Variants in GABRB2 observed in about 807,000 individuals in gnomAD.
GABRB2 encodes gamma-aminobutyric acid receptor subunit beta-2.
In GABRB2, 16 loss-of-function variants were observed where a neutral mutation model predicts 54.7. The observed-to-expected ratio is 0.29, with a 90% CI of 0.20 to 0.44. GABRB2 has a LOEUF of 0.44. Ranked by LOEUF, GABRB2 falls within the 20% of genes least tolerant of loss-of-function variation. The pLI, the probability that GABRB2 is intolerant of heterozygous loss-of-function variation, is 1.00. For synonymous variants in GABRB2, 244 were observed against 233.8 expected (o/e 1.04, Z -0.40); for missense variants, 355 against 644.0 (o/e 0.55, Z 4.86).
intron 7 of GABRB2, among the ~76,000 whole-genome samples, chr5:161,332,165 C>CAA (rs5872708): frequency 0.19 from 13,411 of 69,074 alleles, 1,415 homozygotes; most frequent in African/African-American, 0.22. Flanking sequence ...GACTCCGTCT[C>CAA]AAAAAAAAAA....
chr5:161,393,390 G>A (rs1295568807), intron 5 of GABRB2, among the ~76,000 whole-genome samples: 3 of 138,818 alleles, frequency 2.2e-5, no homozygotes, highest in East Asian at 4.3e-4. Flanking sequence ...AAAAGGCCAC[G>A]GGCTGGATTT....
At chr5:161,377,703 A>T (rs1361038995) in intron 5 of GABRB2, among the ~76,000 whole-genome samples, 1 of 152,082 alleles carries the variant, frequency 6.6e-6, no homozygotes, top group Non-Finnish European at 1.5e-5. Flanking sequence ...ATATTATTAA[A>T]TTACTTGTTT....
chr5:161,539,080 C>G (rs1198214324), intron 3 of GABRB2, among the ~76,000 whole-genome samples: 4 of 152,158 alleles, frequency 2.6e-5, no homozygotes, highest in Admixed American at 2.0e-4. Context: ...GAACTCTTTC[C>G]TCAAAAGTGA....
chr5:161,519,396 C>A (rs1255360474), intron 3 of GABRB2, among the ~76,000 whole-genome samples: 3 of 152,130 alleles, frequency 2.0e-5, no homozygotes, highest in Non-Finnish European at 4.4e-5. Flanking sequence ...CAGATACACA[C>A]CCATGACTTT....
chr5:161,328,734 C>G (rs565191480), intron 8 of GABRB2, among the ~76,000 whole-genome samples: 1 of 152,088 alleles, frequency 6.6e-6, no homozygotes, highest in Admixed American at 6.6e-5. Flanking sequence ...CAAGAAGTTA[C>G]AGGGAAGCTA....
Position 161,291,359 on chromosome 5 carries a change from A to G in GABRB2, c.*2722T>C, listed in dbSNP as rs1051331422. The G allele has an allele frequency of 6.6e-6, 1 of 152,168 alleles. No individual in the cohort carries two copies. The highest frequency in any genetic ancestry group is 6.5e-5 in the Admixed American group (1 of 15,270). 9.4% of individuals were successfully genotyped at this position (152,168 alleles called of 1,614,324 possible). A position where few individuals can be genotyped will look rare whatever the true frequency, so the allele number is the denominator to read the frequency against. On this transcript the variant is annotated 3_prime_UTR_variant, in exon 10 of 10. Coordinates refer to ENST00000393959, the MANE Select transcript of GABRB2 (RefSeq NM_001371727.1). ...TCCTTTAGTTTAACAACTGGCTATC[A>G]AGCTGACTGGTCTTCCTAGACTTAT...
intron 3 of GABRB2, among the ~76,000 whole-genome samples, chr5:161,494,589 A>G (rs1185483866): frequency 6.6e-6 from 1 of 150,882 alleles, no homozygotes; most frequent in Admixed American, 6.6e-5. Flanking sequence ...AATTACTGAC[A>G]ACTGAAAACA....
At chr5:161,490,819 C>T (rs946340741) in intron 3 of GABRB2, among the ~76,000 whole-genome samples, 1 of 151,740 alleles carries the variant, frequency 6.6e-6, no homozygotes, top group African/African-American at 2.4e-5. Context: ...GCTTCAAGAG[C>T]AAGATATCCT....
chr5:161,334,888 T>C lies in GABRB2; in HGVS notation c.696A>G (p.Leu232=). Residue 232 remains leucine, a synonymous_variant, in exon 7 of 10, where the codon TTA becomes TTG. Transcript: ENST00000393959. ...VVFSTGSYPR[L]SLSFKLKRNI... is the part of the protein sequence containing the mutation. ...TTCTCTTAAGCTTAAAGCTGAGGGA[T>C]AACCTGGGATAGGAACCTAGAAAGG... The C allele has an allele frequency of 6.2e-7, 1 of 1,613,922 alleles. No homozygotes were observed. The highest frequency in any genetic ancestry group is 8.5e-7 in the Non-Finnish European group (1 of 1,179,850).
chr5:161,293,826 G>A lies in GABRB2; in HGVS notation c.*255C>T, dbSNP rs1475641152. The stretch of plus-strand genomic sequence containing the variant: ...AGGCTGCATACTAAACAGACAACAT[G>A]GAGCACTCAGGCTGTCTAGCCACCA... On this transcript the variant is annotated 3_prime_UTR_variant, in exon 10 of 10. Coordinates refer to ENST00000393959, the MANE Select transcript of GABRB2 (RefSeq NM_001371727.1). 8.5e-6 allele frequency: 4 copies of A among 472,788 alleles called. No individual in the cohort carries two copies. Among genetic ancestry groups the A allele is most frequent in the African/African-American group, 3.9e-5 (2 of 51,468 alleles). 29.3% of individuals were successfully genotyped at this position (472,788 alleles called of 1,614,324 possible). A position where few individuals can be genotyped will look rare whatever the true frequency, so the allele number is the denominator to read the frequency against.
chr5:161,331,962 G>C (rs372035195), intron 7 of GABRB2, among the ~76,000 whole-genome samples: 3 of 151,810 alleles, frequency 2.0e-5, no homozygotes, highest in Admixed American at 6.6e-5. Context: ...TCAGGAGATC[G>C]AGACCATCCT....
intron 3 of GABRB2, among the ~76,000 whole-genome samples, chr5:161,460,311 C>T (rs995549244): frequency 6.6e-5 from 10 of 150,922 alleles, no homozygotes; most frequent in African/African-American, 2.5e-4. Flanking sequence ...TATGTATGGC[C>T]ACAAATACAA....
rs75884144 is a variant in GABRB2, at chr5:161,498,073, C to T, written c.238-38229G>A. On this transcript the variant is annotated intron_variant, in intron 3 of 9. Transcript: ENST00000393959. ...CCCATAATTTTTGTTGAAAAGCTAA[C>T]ACATAATGCAGCCATAAAAATAATA... Among the ~76,000 whole-genome samples the T allele has an allele frequency of 8.7e-4, 132 of 152,190 alleles. No individual in the cohort carries two copies. In the East Asian group the frequency reaches 0.023, roughly 27 times the overall value.
intron 4 of GABRB2, among the ~76,000 whole-genome samples, chr5:161,418,174 C>T (rs894626588): frequency 6.6e-6 from 1 of 152,172 alleles, no homozygotes; most frequent in Non-Finnish European, 1.5e-5. Context: ...GGAATCAAAG[C>T]AGCACTATGC....
At chr5:161,370,200 G>T (rs1755092369) in intron 5 of GABRB2, among the ~76,000 whole-genome samples, 1 of 152,154 alleles carries the variant, frequency 6.6e-6, no homozygotes, top group Non-Finnish European at 1.5e-5. Flanking sequence ...TAGCAAAAAA[G>T]TCTAGATTAC....
At chr5:161,469,239 T>C (rs1034836265) in intron 3 of GABRB2, among the ~76,000 whole-genome samples, 1 of 151,884 alleles carries the variant, frequency 6.6e-6, no homozygotes, top group Non-Finnish European at 1.5e-5. Flanking sequence ...AAAACTAGTA[T>C]CTAACATTAC....
chr5:161,525,095 C>G (rs1394592894), intron 3 of GABRB2, among the ~76,000 whole-genome samples: 4 of 151,290 alleles, frequency 2.6e-5, no homozygotes, highest in African/African-American at 7.3e-5. Context: ...CATATAGTCT[C>G]TCTTCTAGCT....
chr5:161,392,526 C>A (rs1292019904), intron 5 of GABRB2, among the ~76,000 whole-genome samples: 1 of 152,138 alleles, frequency 6.6e-6, no homozygotes, highest in Non-Finnish European at 1.5e-5. Flanking sequence ...GTTAACAGCT[C>A]AGGCTTTGGG....
At chr5:161,327,738 C>T (rs1418125982) in intron 8 of GABRB2, among the ~76,000 whole-genome samples, 2 of 152,118 alleles carry the variant, frequency 1.3e-5, no homozygotes, top group Non-Finnish European at 2.9e-5. Context: ...GATAATCTGA[C>T]ACACTCCTTC....
Sources: gnomAD v4.1 joint callset for allele counts (sites outside exome capture counted in the v4.1 genomes callset) on GRCh38, gnomAD v4.1.1 for gene constraint, MANE v1.5 for transcripts, NCBI Gene and HGNC (gene_info 2026-07-23, HGNC 2026-07-21) for gene names.